Variants in TET3 observed in about 807,000 individuals in gnomAD.
TET3 encodes methylcytosine dioxygenase TET3.
In TET3, 19 loss-of-function variants were observed where a neutral mutation model predicts 141.4. That is an observed-to-expected ratio of 0.13 (90% CI 0.09 to 0.20). TET3 has a LOEUF of 0.20. TET3 is among the 10% of genes least tolerant of loss of function. The probability of loss-of-function intolerance (pLI) is 1.00; values close to 1 mark genes in which losing one functional copy is unlikely to be tolerated. For synonymous variants in TET3, 1,043 were observed against 980.9 expected (o/e 1.06, Z -1.18); for missense variants, 1,874 against 2,356.9 (o/e 0.80, Z 4.24).
intron 4 of TET3, among the ~76,000 whole-genome samples, chr2:74,070,508 A>G (rs981272300): frequency 1.1e-4 from 17 of 152,190 alleles, no homozygotes; most frequent in Admixed American, 1.0e-3. Flanking sequence ...CAGCTAGACC[A>G]TATCATCTGC....
intron 2 of TET3, among the ~76,000 whole-genome samples, chr2:73,992,313 T>TTTTTG (rs1684369754): frequency 6.6e-6 from 1 of 151,374 alleles, no homozygotes; most frequent in Non-Finnish European, 1.5e-5. Context: ...TTCTTTTTTT[T>TTTTTG]TTTTGTTTTG....
chr2:74,049,780 A>G (rs1687842884), intron 4 of TET3, among the ~76,000 whole-genome samples: 1 of 152,068 alleles, frequency 6.6e-6, no homozygotes, highest in South Asian at 2.1e-4. Flanking sequence ...GGTACGAGGC[A>G]GAGGGGTGGG....
chr2:74,127,847 G>A, the TET3 span, among the ~76,000 whole-genome samples: 5 of 152,148 alleles, frequency 3.3e-5, no homozygotes, highest in East Asian at 7.7e-4. Flanking sequence ...ATGAAGATAC[G>A]TGATACTGAC....
At chr2:74,008,654 G>A (rs1685268528) in intron 3 of TET3, among the ~76,000 whole-genome samples, 1 of 151,982 alleles carries the variant, frequency 6.6e-6, no homozygotes. Flanking sequence ...CCTACTTTCT[G>A]TTGCTGAGGA....
intron 10 of TET3, among the ~76,000 whole-genome samples, chr2:74,096,398 C>T (rs1046310612): frequency 2.0e-5 from 3 of 152,202 alleles, no homozygotes; most frequent in Non-Finnish European, 2.9e-5. Context: ...GTTTTCTGTT[C>T]AGCGTAATAA....
At chr2:74,029,392 A>G (rs887398296) in intron 3 of TET3, among the ~76,000 whole-genome samples, 1 of 152,244 alleles carries the variant, frequency 6.6e-6, no homozygotes, top group African/African-American at 2.4e-5. Flanking sequence ...TATAGCAAAC[A>G]GGAGAAAACC....
intron 6 of TET3, among the ~76,000 whole-genome samples, chr2:74,081,338 C>T (rs1271943807): frequency 6.6e-6 from 1 of 152,208 alleles, no homozygotes; most frequent in Non-Finnish European, 1.5e-5. Flanking sequence ...GCAAGCTCAG[C>T]CTCGCGCTGT....
Position 73,986,421 on chromosome 2 carries a change from G to T in TET3, c.18G>T (p.Val6=). ...GCAGCATCATGAGCCAGTTTCAGGT[G>T]CCCCTGGCCGTCCAGCCGGACCTGC... is the stretch of plus-strand genomic sequence containing the variant. MSQFQ[V]PLAVQPDLPG... Residue 6 remains valine (V), a synonymous_variant, in exon 2 of 12, where the codon GTG becomes GTT. Coordinates refer to ENST00000409262, the MANE Select transcript of TET3 (RefSeq NM_001287491.2). 1.6e-6 allele frequency: 2 copies of T among 1,232,160 alleles called. No homozygotes were observed. The highest frequency in any genetic ancestry group is 8.4e-5 in the Admixed American group (2 of 23,730). The allele number at this position is 1,232,160 out of a possible 1,614,324, so 76.3% of individuals were successfully genotyped here. A position where few individuals can be genotyped will look rare whatever the true frequency, so the allele number is the denominator to read the frequency against.
intron 3 of TET3, among the ~76,000 whole-genome samples, chr2:74,032,809 C>T (rs746561683): frequency 4.6e-5 from 7 of 152,114 alleles, no homozygotes; most frequent in African/African-American, 9.7e-5. Context: ...TGCAGGGGAG[C>T]GTGTGCTGCC....
intron 10 of TET3, among the ~76,000 whole-genome samples, chr2:74,098,237 A>G (rs1337510757): frequency 6.6e-6 from 1 of 152,214 alleles, no homozygotes; most frequent in Non-Finnish European, 1.5e-5. Context: ...GGGTATTTCA[A>G]AAAGTATTGT....
At chr2:73,991,805 C>CAAAGAA (rs1684339362) in intron 2 of TET3, among the ~76,000 whole-genome samples, 1 of 79,624 alleles carries the variant, frequency 1.3e-5, no homozygotes, top group African/African-American at 4.7e-5. Flanking sequence ...AACTCTGTCT[C>CAAAGAA]AAAAAAAAAA....
chr2:74,015,247 T>G (rs138353474), intron 3 of TET3, among the ~76,000 whole-genome samples: 111 of 152,318 alleles, frequency 7.3e-4, no homozygotes, highest in Non-Finnish European at 1.2e-3. Flanking sequence ...GATGGACTTT[T>G]GAGTTCAACC....
Position 74,046,410 on chromosome 2 carries a change from C to T in TET3, c.493C>T (p.Pro165Ser), listed in dbSNP as rs746587618. 3 of 1,578,692 alleles carry T rather than the reference C, an allele frequency of 1.9e-6. No individual in the cohort carries two copies. The highest frequency in any genetic ancestry group is 1.8e-5 in the Admixed American group (1 of 55,726). Residue 165 changes from proline to serine, a missense_variant, in exon 4 of 12, where the codon CCC becomes TCC. Transcript: ENST00000409262. This position sits in a 1 kb window ranked among gnomAD's most constrained non-coding sequence, Gnocchi z 4.3. Reference sequence around the variant, plus strand: ...CAATGGTGCTAGAGAGCCCGCTGGACCCAGTCTGCTGGGGACTGGGGGTCC... The same window carrying T: ...CAATGGTGCTAGAGAGCCCGCTGGATCCAGTCTGCTGGGGACTGGGGGTCC... ...PVNGAREPAG[P>S]SLLGTGGPWR...
chr2:74,104,840 G>T lies in TET3; in HGVS notation c.*2664G>T. Reference sequence around the variant, plus strand: ...CAGTTTCTGCAGTAGGAGATAGGCTGCTGAGAGGTGAGTCAAGAGGCAGTC... The same window carrying T: ...CAGTTTCTGCAGTAGGAGATAGGCTTCTGAGAGGTGAGTCAAGAGGCAGTC... On this transcript the variant is annotated 3_prime_UTR_variant, in exon 12 of 12. Transcript: ENST00000409262. 4.2e-6 allele frequency: 1 copy of T among 238,696 alleles called. No individual in the cohort carries two copies. The highest frequency in any genetic ancestry group is 7.9e-6 in the Non-Finnish European group (1 of 125,852). 14.8% of individuals were successfully genotyped at this position (238,696 alleles called of 1,614,324 possible).
Position 74,046,166 on chromosome 2 carries a change from T to A in TET3, c.361-112T>A. On this transcript the variant is annotated intron_variant, in intron 3 of 11. Coordinates refer to ENST00000409262, the MANE Select transcript of TET3 (RefSeq NM_001287491.2). The surrounding 1 kb of genome is among the most constrained non-coding windows in gnomAD (Gnocchi z 4.3). Reference sequence around the variant, plus strand: ...GGCTCAAGAAGTACCAGAGAGAGGATTTGCAAGAAAAGTTGGGGTCAGATG... The same window carrying A: ...GGCTCAAGAAGTACCAGAGAGAGGAATTGCAAGAAAAGTTGGGGTCAGATG... 1.0e-6 allele frequency: 1 copy of A among 956,784 alleles called. No homozygotes were observed. The highest frequency in any genetic ancestry group is 1.4e-6 in the Non-Finnish European group (1 of 696,922). The allele number at this position is 956,784 out of a possible 1,614,324, so 59.3% of individuals were successfully genotyped here. A position where few individuals can be genotyped will look rare whatever the true frequency, so the allele number is the denominator to read the frequency against.
At chr2:74,008,208 A>C (rs541361902) in intron 3 of TET3, among the ~76,000 whole-genome samples, 2 of 152,304 alleles carry the variant, frequency 1.3e-5, no homozygotes, top group African/African-American at 4.8e-5. Flanking sequence ...CCTCCGCTTG[A>C]AAGAGTAGAG....
At chr2:74,077,071 G>C (rs144935054) in intron 5 of TET3, among the ~76,000 whole-genome samples, 1 of 152,340 alleles carries the variant, frequency 6.6e-6, no homozygotes, top group East Asian at 1.9e-4. Context: ...GTCTGGGAAG[G>C]AGATTCTCTG....
intron 4 of TET3, among the ~76,000 whole-genome samples, chr2:74,056,435 T>G (rs924753219): frequency 2.6e-5 from 4 of 152,108 alleles, no homozygotes; most frequent in Admixed American, 2.0e-4. Flanking sequence ...GTGCACAGGG[T>G]TAAGAAAAAC....
rs967540736 is a variant in TET3 at position 74,087,762 on chromosome 2, G to C, written c.2680-68G>C. On this transcript the variant is annotated intron_variant, in intron 6 of 11. Transcript: ENST00000409262. The surrounding 1 kb of genome is among the most constrained non-coding windows in gnomAD (Gnocchi z 4.3). ...GCACCCTGGGTCTGTGTGACAAAGGGAGGGGTGGCACCATGCAGAGGAGCA... is the reference window on the plus strand; with the variant it reads ...GCACCCTGGGTCTGTGTGACAAAGGCAGGGGTGGCACCATGCAGAGGAGCA... The C allele has an allele frequency of 2.1e-6, 3 of 1,445,860 alleles. No individual in the cohort carries two copies. In the African/African-American group the frequency reaches 4.3e-5, roughly 20 times the overall value. 89.6% of individuals were successfully genotyped at this position (1,445,860 alleles called of 1,614,324 possible).
Sources: gnomAD v4.1 joint callset for allele counts (sites outside exome capture counted in the v4.1 genomes callset) on GRCh38, gnomAD v4.1.1 for gene constraint, Gnocchi (gnomAD v3.1) non-coding constraint, MANE v1.5 for transcripts, NCBI Gene and HGNC (gene_info 2026-07-23, HGNC 2026-07-21) for gene names.